MSN: variants seen among roughly 807,000 people sequenced by gnomAD.
The protein encoded by MSN is moesin, also known as epididymis luminal protein 70.
Under a neutral mutation model 48.0 loss-of-function variants are expected in MSN, and 2 were observed. The observed-to-expected ratio is 0.04, with a 90% CI of 0.02 to 0.13. The LOEUF (loss-of-function observed/expected upper bound fraction) is 0.13, where lower values mean the gene tolerates loss of function less well. MSN is among the 10% of genes least tolerant of loss of function. MSN has a pLI of 1.00. For synonymous variants in MSN, 146 were observed against 166.9 expected (o/e 0.87, Z 0.97); for missense variants, 267 against 470.1 (o/e 0.57, Z 3.99).
intron 1 of MSN, among the ~76,000 whole-genome samples, chrX:65,693,660 A>G (rs754197617): frequency 2.7e-5 from 3 of 112,055 alleles, no homozygotes; most frequent in Non-Finnish European, 5.6e-5. Context: ...AAGATAAATG[A>G]CAGACCAAAT....
chrX:65,669,492 C>G (rs1038848932), intron 1 of MSN, among the ~76,000 whole-genome samples: 9 of 111,710 alleles, frequency 8.1e-5, no homozygotes, highest in Non-Finnish European at 1.9e-5. Flanking sequence ...TTGCATTAAC[C>G]GTCTCATCTG....
At chrX:65,619,091 G>C (rs1376474336) in intron 1 of MSN, among the ~76,000 whole-genome samples, 15 of 100,009 alleles carry the variant, frequency 1.5e-4, no homozygotes, top group African/African-American at 5.8e-4. Flanking sequence ...TTAGTCTGAT[G>C]GGCTTCCCTT....
At chrX:65,676,630 C>A (rs1352468648) in intron 1 of MSN, among the ~76,000 whole-genome samples, 1 of 111,123 alleles carries the variant, frequency 9.0e-6, no homozygotes, top group Non-Finnish European at 1.9e-5. Flanking sequence ...GGGGCCAAGG[C>A]CTAGGAGGGG....
chrX:65,666,731 G>T (rs2070874873), upstream of MSN, among the ~76,000 whole-genome samples: 1 of 111,238 alleles, frequency 9.0e-6, no homozygotes, highest in South Asian at 3.8e-4. Context: ...AAAGTGTTAA[G>T]ATTACAGTCA....
chrX:65,634,379 G>A (rs192404539), intron 1 of MSN, among the ~76,000 whole-genome samples: 2,792 of 112,381 alleles, frequency 0.025, 94 homozygotes, highest in African/African-American at 0.085. Context: ...TTGGGTGGCC[G>A]AGGTGGGTGG....
chrX:65,729,334 A>T, intron 3 of MSN, 104 bp from the exon 4 acceptor site: 1 of 960,691 alleles, frequency 1.0e-6, no homozygotes, highest in South Asian at 2.3e-5. Flanking sequence ...GCTGTCTAAG[A>T]TTATGCAAAT....
At chrX:65,638,061 A>T (rs1319236807) in intron 1 of MSN, among the ~76,000 whole-genome samples, 1 of 112,473 alleles carries the variant, frequency 8.9e-6, no homozygotes, top group Non-Finnish European at 1.9e-5. Flanking sequence ...TACCTGCTAG[A>T]TCATGGATTG....
At chrX:65,682,552 T>C (rs1348525171) in intron 1 of MSN, among the ~76,000 whole-genome samples, 1 of 111,363 alleles carries the variant, frequency 9.0e-6, no homozygotes, top group Non-Finnish European at 1.9e-5. Flanking sequence ...GGTCATGTAT[T>C]GAGGCAGAAG....
At chrX:65,713,543 C>A (rs1368303444) in intron 1 of MSN, among the ~76,000 whole-genome samples, 4 of 112,012 alleles carry the variant, frequency 3.6e-5, no homozygotes, top group African/African-American at 1.3e-4. Flanking sequence ...AACTAAGGCC[C>A]AGGAAAAGGA....
chrX:65,648,549 T>C (rs1242099297), intron 1 of MSN, among the ~76,000 whole-genome samples: 1 of 108,220 alleles, frequency 9.2e-6, no homozygotes, highest in East Asian at 2.9e-4. Flanking sequence ...AGAGACTCCG[T>C]CTCAAAAATA....
At chrX:65,649,604 T>TATA in intron 1 of MSN, among the ~76,000 whole-genome samples, 1 of 102,308 alleles carries the variant, frequency 9.8e-6, no homozygotes, top group African/African-American at 3.6e-5. Flanking sequence ...TATATATATA[T>TATA]TTGTGTGTGT....
chrX:65,594,458 A>C (rs1475833395), intron 1 of MSN, among the ~76,000 whole-genome samples: 1 of 111,403 alleles, frequency 9.0e-6, no homozygotes, highest in Non-Finnish European at 1.9e-5. Flanking sequence ...CTAGGATGTA[A>C]TGGAAAGCCT....
rs1252575564 is a variant in MSN at position 65,722,469 on chromosome X, C to T, written c.97-5345C>T. ...TGGAGACAAGGTCTCGCTCCGTCAC[C>T]CAGGCTGGAGTGCAGTGGTGTGATC... On this transcript the variant is annotated intron_variant, in intron 2 of 12. Transcript: ENST00000360270. Among the ~76,000 whole-genome samples the T allele has an allele frequency of 4.7e-5, 5 of 107,056 alleles. No individual in the cohort carries two copies. In the South Asian group the frequency reaches 2.0e-3, roughly 44 times the overall value. 93.0% of individuals were successfully genotyped at this position (107,056 alleles called of 115,157 possible). A position where few individuals can be genotyped will look rare whatever the true frequency, so the allele number is the denominator to read the frequency against.
At chrX:65,684,644 G>T (rs943605206) in intron 1 of MSN, among the ~76,000 whole-genome samples, 1 of 110,600 alleles carries the variant, frequency 9.0e-6, no homozygotes, top group Admixed American at 9.6e-5. Context: ...CATCATGTTG[G>T]TCAGGCTGGT....
chrX:65,635,015 C>T (rs1569456546), intron 1 of MSN, among the ~76,000 whole-genome samples: 2 of 112,286 alleles, frequency 1.8e-5, no homozygotes, highest in South Asian at 3.7e-4. Flanking sequence ...ATTGAGGCTC[C>T]TTTTTTATTC....
intron 1 of MSN, among the ~76,000 whole-genome samples, chrX:65,713,064 A>G (rs775680148): frequency 9.0e-6 from 1 of 111,696 alleles, no homozygotes; most frequent in Non-Finnish European, 1.9e-5. Flanking sequence ...GTACATATGA[A>G]GTGCCTGGTG....
At chrX:65,637,706 T>A (rs1359650567) in intron 1 of MSN, among the ~76,000 whole-genome samples, 2 of 110,019 alleles carry the variant, frequency 1.8e-5, no homozygotes, top group East Asian at 2.8e-4. Context: ...CTTTTTTTTT[T>A]AATAGAGGCG....
intron 1 of MSN, among the ~76,000 whole-genome samples, chrX:65,641,487 G>A (rs867502042): frequency 2.8e-4 from 24 of 86,870 alleles, no homozygotes; most frequent in Middle Eastern, 7.6e-3. Flanking sequence ...CCGAGATCAC[G>A]CCACTGCACT....
intron 5 of MSN, 89 bp downstream of exon 5, chrX:65,731,279 CATT>C: frequency 1.3e-6 from 1 of 758,468 alleles, no homozygotes; most frequent in Non-Finnish European, 2.0e-6. Context: ...TGACAAGGGA[CATT>C]GGTGGATGTT....
Sources: gnomAD v4.1 joint callset for allele counts (sites outside exome capture counted in the v4.1 genomes callset) on GRCh38, gnomAD v4.1.1 for gene constraint, MANE v1.5 for transcripts, NCBI Gene and HGNC (gene_info 2026-07-23, HGNC 2026-07-21) for gene names.